The following EIF5B variants were observed in gnomAD, a reference collection of about 807,000 sequenced individuals.
The protein encoded by EIF5B is eukaryotic translation initiation factor 5B.
A neutral mutation model predicts 147.5 loss-of-function variants in EIF5B; 47 were observed. That is an observed-to-expected ratio of 0.32 (90% CI 0.25 to 0.41). The LOEUF (loss-of-function observed/expected upper bound fraction) is 0.41. EIF5B is among the 10% of genes least tolerant of loss of function. EIF5B has a pLI of 1.00. For synonymous variants in EIF5B, 455 were observed against 456.2 expected, an observed-to-expected ratio of 1.00 and a Z score of 0.03; for missense variants, 1,064 against 1,413.2, an observed-to-expected ratio of 0.75 and a Z score of 3.96.
intron 12 of EIF5B, among the ~76,000 whole-genome samples, chr2:99,381,383 G>A (rs759555099): frequency 2.6e-5 from 4 of 152,102 alleles, no homozygotes; most frequent in African/African-American, 4.8e-5. Flanking sequence ...AATAATTATG[G>A]TGCTCAGTGA....
chr2:99,382,108 G>A, intron 12 of EIF5B, 51 bp from the exon 13 acceptor site: 2 of 1,489,884 alleles, frequency 1.3e-6, no homozygotes, highest in Non-Finnish European at 1.9e-6. Flanking sequence ...CTGTAAAGAA[G>A]CTTTCATGTC....
At chr2:99,365,833 T>C (rs1674315770) in intron 6 of EIF5B, among the ~76,000 whole-genome samples, 1 of 152,160 alleles carries the variant, frequency 6.6e-6, no homozygotes, top group Non-Finnish European at 1.5e-5. Flanking sequence ...TAGCTTGACA[T>C]TCAAGGTTCC....
At position 99,379,096 on chromosome 2, in the gene EIF5B, G is replaced by A. The variant is rs1239685887; in HGVS notation, c.1920G>A (p.Val640=). Residue 640 remains valine (V), a synonymous_variant, in exon 11 of 24, where the codon GTG becomes GTA. Coordinates refer to ENST00000289371, the MANE Select transcript of EIF5B (RefSeq NM_015904.4). The part of the protein sequence containing the change: ...RAPIICVLGH[V]DTGKTKILDK... ...CTATTATCTGCGTACTTGGGCATGT[G>A]GACACAGGGAAGACAAAAATTCTAG... 1 of 1,603,948 alleles carries A rather than the reference G, an allele frequency of 6.2e-7. No homozygotes were observed. The highest frequency in any genetic ancestry group is 8.5e-7 in the Non-Finnish European group (1 of 1,176,782).
intron 20 of EIF5B, 35 bp from the exon 21 acceptor site, chr2:99,394,684 C>T (rs1338168658): frequency 6.2e-7 from 1 of 1,608,796 alleles, no homozygotes. Flanking sequence ...CTCTGTTTTT[C>T]ACTGAATGGT....
In EIF5B at chr2:99,346,109, T is replaced by C. The variant is rs144343076; in HGVS notation, c.35+8520T>C. 1.2e-3 allele frequency among the ~76,000 whole-genome samples: 178 copies of C among 152,308 alleles called. 1 individual carries two copies. The highest frequency in any genetic ancestry group is 3.8e-3 in the African/African-American group (157 of 41,572). On this transcript the variant is annotated intron_variant, in intron 1 of 23. Transcript: ENST00000289371. ...AGAGTACCACCCTCGAGATTTCACA[T>C]TTGCCTCTTAAAGTTATTGTTTATG...
Position 99,393,704 on chromosome 2 carries a change from C to T in EIF5B, c.2881-563C>T, listed in dbSNP as rs1295789259. ...CTGTTGGGAATAAGCTATCTTAGGG[C>T]CAGTGAGAGAATAGGGCAGGCCTGT... is the stretch of plus-strand genomic sequence containing the variant. On this transcript the variant is annotated intron_variant, in intron 18 of 23. Coordinates refer to ENST00000289371, the MANE Select transcript of EIF5B (RefSeq NM_015904.4). 4.6e-5 allele frequency among the ~76,000 whole-genome samples: 7 copies of T among 152,250 alleles called. 1 individual carries two copies. Among genetic ancestry groups the T allele is most frequent in the Middle Eastern group, 3.4e-3 (1 of 294 alleles).
At chr2:99,371,543 A>C (rs2104202939) in intron 8 of EIF5B, 113 bp from the exon 9 acceptor site, 1 of 790,066 alleles carries the variant, frequency 1.3e-6, no homozygotes, top group East Asian at 2.8e-5. Flanking sequence ...CATATTTTTT[A>C]CATAATTAAA....
Position 99,379,124 on chromosome 2 carries a change from A to C in EIF5B, c.1948A>C (p.Lys650Gln). The C allele has an allele frequency of 1.3e-6, 2 of 1,591,056 alleles. No individual in the cohort carries two copies. The highest frequency in any genetic ancestry group is 2.3e-5 in the South Asian group (2 of 86,042). The change falls in exon 11 of 24, where the codon AAG becomes CAG. Residue 650 changes from lysine (K) to glutamine (Q), a missense_variant and splice_region_variant. Lys to Gln is a moderately conservative substitution (Grantham distance 53, BLOSUM62 1). This residue lies in a region of EIF5B where 380 missense variants were observed against 715.6 expected (regional missense o/e 0.53). Transcript: ENST00000289371. ...VDTGKTKILD[K>Q]LRHTHVQDGE... ...CACAGGGAAGACAAAAATTCTAGAT[A>C]AGGTAAGAAAGTATTAAATGTATTG... is the stretch of plus-strand genomic sequence containing the variant.
chr2:99,390,269 G>A lies in EIF5B; in HGVS notation c.2454G>A (p.Val818=). The change falls in exon 16 of 24, where the codon GTG becomes GTA. Residue 818 remains valine, a synonymous_variant. Coordinates refer to ENST00000289371, the MANE Select transcript of EIF5B (RefSeq NM_015904.4). ...AGAATAAAGATCCCCGCACTTTTGT[G>A]TCTTTGGTACCTACCTCTGCACATA... ...FYENKDPRTF[V]SLVPTSAHTG... 6.2e-7 allele frequency: 1 copy of A among 1,614,090 alleles called. No homozygotes were observed.
chr2:99,361,866 A>G (rs776635893), intron 4 of EIF5B, 46 bp downstream of exon 4: 1 of 1,476,290 alleles, frequency 6.8e-7, no homozygotes, highest in Non-Finnish European at 8.9e-7. Context: ...TTTGATTCAC[A>G]GTATAAGTTG....
intron 14 of EIF5B, among the ~76,000 whole-genome samples, chr2:99,383,124 G>C (rs1674727035): frequency 6.6e-6 from 1 of 151,502 alleles, no homozygotes; most frequent in Non-Finnish European, 1.5e-5. Context: ...TAGCAGCCTT[G>C]CATCAAGCAA....
intron 1 of EIF5B, among the ~76,000 whole-genome samples, chr2:99,357,345 G>T (rs1342863575): frequency 6.6e-6 from 1 of 152,032 alleles, no homozygotes; most frequent in Non-Finnish European, 1.5e-5. Flanking sequence ...TTAAAATTTG[G>T]GCTTGAATTC....
At chr2:99,375,011 G>A (rs546516848) in intron 9 of EIF5B, among the ~76,000 whole-genome samples, 54 of 151,968 alleles carry the variant, frequency 3.6e-4, no homozygotes, top group African/African-American at 1.3e-3. Flanking sequence ...CATCTTTTGA[G>A]TTCTCAATTT....
chr2:99,364,201 AT>A, intron 5 of EIF5B, 69 bp from the exon 6 acceptor site: 1 of 1,500,058 alleles, frequency 6.7e-7, no homozygotes, highest in East Asian at 2.3e-5. Flanking sequence ...TGAAGTTTGG[AT>A]TGTTTACATT....
At chr2:99,349,726 G>A (rs932234159) in intron 1 of EIF5B, among the ~76,000 whole-genome samples, 1 of 151,958 alleles carries the variant, frequency 6.6e-6, no homozygotes, top group Non-Finnish European at 1.5e-5. Flanking sequence ...TGATATTTTG[G>A]TATCTGTATA....
chr2:99,361,392 CAGA>C lies in EIF5B; in HGVS notation c.492_494del (p.Glu166del), dbSNP rs1259360569. 1 of 1,613,528 alleles carries C rather than the reference CAGA, an allele frequency of 6.2e-7. No homozygotes were observed. The highest frequency in any genetic ancestry group is 1.3e-5 in the African/African-American group (1 of 74,898). On this transcript the variant is annotated inframe_deletion, in exon 4 of 24. Transcript: ENST00000289371. ...AAATCAAATAAGAAGTGGGATGGGT[CAGA>C]GGAGGATGAGGATAACAGTAAAAAA...
chr2:99,369,351 C>A, intron 7 of EIF5B, 41 bp from the exon 8 acceptor site: 1 of 1,508,300 alleles, frequency 6.6e-7, no homozygotes, highest in Non-Finnish European at 9.1e-7. Context: ...AGAAATTATA[C>A]ACCAAAAAAA....
intron 1 of EIF5B, among the ~76,000 whole-genome samples, chr2:99,343,724 G>C (rs1300140280): frequency 6.6e-6 from 1 of 151,578 alleles, no homozygotes; most frequent in Non-Finnish European, 1.5e-5. Context: ...TGAGGCAGGA[G>C]AATTGCTTGA....
At chr2:99,350,877 G>GT (rs1673938701) in intron 1 of EIF5B, among the ~76,000 whole-genome samples, 1 of 152,168 alleles carries the variant, frequency 6.6e-6, no homozygotes, top group Non-Finnish European at 1.5e-5. Context: ...GTTGATTTTT[G>GT]TTAAGTGGTG....
Sources: allele counts gnomAD v4.1 joint callset (sites outside exome capture counted in the v4.1 genomes callset), GRCh38; gene constraint gnomAD v4.1.1; regional missense constraint gnomAD v4.1.1; transcripts MANE v1.5; gene names NCBI Gene and HGNC (gene_info 2026-07-23, HGNC 2026-07-21).